SLC25A18: variants seen among roughly 807,000 people sequenced by gnomAD.
SLC25A18 encodes the protein mitochondrial glutamate carrier 2.
SLC25A18 carries 24 observed loss-of-function variants against 31.1 expected under a neutral mutation model. That is an observed-to-expected ratio of 0.77 (90% CI 0.56 to 1.08). SLC25A18 has a LOEUF of 1.08. Ranked by LOEUF, SLC25A18 falls within the 50% of genes least tolerant of loss-of-function variation. The pLI is 0.00. For synonymous variants in SLC25A18, 173 were observed against 161.9 expected (o/e 1.07, Z -0.52); for missense variants, 371 against 418.5 (o/e 0.89, Z 0.99).
chr22:17,564,877 C>T (rs174362), intron 1 of SLC25A18, among the ~76,000 whole-genome samples: 74,004 of 141,690 alleles, frequency 0.52, 20,093 homozygotes, highest in African/African-American at 0.59. Flanking sequence ...AAATCAGGCC[C>T]AGGCAACATA....
rs553854222 is a variant in SLC25A18 at position 17,575,581 on chromosome 22, G to A, written c.-200-4164G>A. ...TACACTTTAAAAATTCCTATGGAAG[G>A]GGTTGAATCATTCAGCTTAAGTCAG... On this transcript the variant is annotated intron_variant, in intron 2 of 10. Coordinates refer to ENST00000327451, the MANE Select transcript of SLC25A18 (RefSeq NM_031481.3). Among the ~76,000 whole-genome samples the A allele has an allele frequency of 2.0e-5, 3 of 152,272 alleles. No homozygotes were observed. The South Asian group carries it at 6.2e-4, about 32-fold the overall frequency.
chr22:17,566,530 A>C (rs1438979760), intron 1 of SLC25A18, among the ~76,000 whole-genome samples: 1 of 152,078 alleles, frequency 6.6e-6, no homozygotes, highest in Non-Finnish European at 1.5e-5. Flanking sequence ...CTCCCGCTTA[A>C]GCCTTCCAAA....
In SLC25A18 at chr22:17,581,017, C is replaced by G. The variant is rs377051118; in HGVS notation, c.21-20C>G. The stretch of plus-strand genomic sequence containing the variant: ...CCCTCCCTCTGCCTCTCTCCTCCCC[C>G]TGTCCTCCCCCTGTCCTAGCATCAC... On this transcript the variant is annotated intron_variant, in intron 3 of 10. Transcript: ENST00000327451. 6 of 1,535,846 alleles carry G rather than the reference C, an allele frequency of 3.9e-6. No individual in the cohort carries two copies. Among genetic ancestry groups the G allele is most frequent in the African/African-American group, 1.4e-5 (1 of 72,794 alleles).
intron 1 of SLC25A18, among the ~76,000 whole-genome samples, chr22:17,564,208 G>C (rs1470239652): frequency 6.6e-6 from 1 of 152,110 alleles, no homozygotes; most frequent in East Asian, 1.9e-4. Context: ...ACTGCAGCTT[G>C]GGAGAAGTGA....
chr22:17,571,224 A>C lies in SLC25A18; in HGVS notation c.-201+1238A>C, dbSNP rs73391445. Among the ~76,000 whole-genome samples, 1,397 of 152,246 alleles carry C rather than the reference A, an allele frequency of 9.2e-3. 24 individuals are homozygous for C. Among genetic ancestry groups the C allele is most frequent in the African/African-American group, 0.032 (1,321 of 41,532 alleles). On this transcript the variant is annotated intron_variant, in intron 2 of 10. Coordinates refer to ENST00000327451, the MANE Select transcript of SLC25A18 (RefSeq NM_031481.3). ...ATTTGAAGGCAACAAGGCTGAAGGC[A>C]AGGAGCTGAGTTAGGAGCCCTCAGG...
chr22:17,581,225 C>T, intron 4 of SLC25A18, 66 bp downstream of exon 4: 1 of 1,568,840 alleles, frequency 6.4e-7, no homozygotes, highest in South Asian at 1.2e-5. Context: ...CCCCTTCCCT[C>T]CAGTCTCCAG....
Position 17,581,377 on chromosome 22 carries a change from A to G in SLC25A18, c.163A>G (p.Thr55Ala), listed in dbSNP as rs765971021. 6.2e-7 allele frequency: 1 copy of G among 1,613,962 alleles called. No individual in the cohort carries two copies. Among genetic ancestry groups the G allele is most frequent in the Non-Finnish European group, 8.5e-7 (1 of 1,179,978 alleles). The change falls in exon 5 of 11, where the codon ACG (threonine) becomes GCG (alanine). Residue 55 changes from threonine to alanine, a missense_variant. By Grantham distance (58) the Thr-to-Ala change is moderately conservative. Transcript: ENST00000327451. ...TTCCAGGATCGACTGCCTGATGAAG[A>G]CGGCTCGGGCGGAGGGCTTCTTCGG... ...YKGMIDCLMK[T>A]ARAEGFFGMY...
chr22:17,583,352 G>C, intron 6 of SLC25A18, 64 bp from the exon 7 acceptor site: 1 of 1,600,218 alleles, frequency 6.2e-7, no homozygotes, highest in East Asian at 2.2e-5. Context: ...TCTCACAAGA[G>C]GGCAGCTGCA....
At chr22:17,585,653 T>TTATTATTATTA (rs1555951977) in intron 7 of SLC25A18, among the ~76,000 whole-genome samples, 7 of 129,052 alleles carry the variant, frequency 5.4e-5, no homozygotes, top group African/African-American at 2.0e-4. Flanking sequence ...TATTATTATT[T>TTATTATTATTA]TTTTTTTTTT....
intron 2 of SLC25A18, chr22:17,570,196 A>G (rs961819979): frequency 1.8e-5 from 3 of 165,654 alleles, no homozygotes; most frequent in Admixed American, 6.5e-5. Context: ...GAAGCAAGTG[A>G]TTTTCTTGGC....
rs1411408093 is a variant in SLC25A18 at position 17,590,315 on chromosome 22, G to C, written c.*79G>C. 3 of 1,581,286 alleles carry C rather than the reference G, an allele frequency of 1.9e-6. No homozygotes were observed. In the African/African-American group the frequency reaches 4.0e-5, roughly 21 times the overall value. On this transcript the variant is annotated 3_prime_UTR_variant, in exon 11 of 11. Coordinates refer to ENST00000327451, the MANE Select transcript of SLC25A18 (RefSeq NM_031481.3). ...CTTAGCCTAGAGGGGGCAAGGGCAGGTGGGGCCACTCTGGCCTGCCTGGTC... is the reference window on the plus strand; with the variant it reads ...CTTAGCCTAGAGGGGGCAAGGGCAGCTGGGGCCACTCTGGCCTGCCTGGTC...
intron 7 of SLC25A18, among the ~76,000 whole-genome samples, chr22:17,584,364 G>A (rs2057462308): frequency 6.9e-6 from 1 of 145,650 alleles, no homozygotes. Context: ...CTGCACTCCA[G>A]CCTGGGAGAC....
At chr22:17,569,527 T>C in intron 1 of SLC25A18, 4 of 805,212 alleles carry the variant, frequency 5.0e-6, no homozygotes, top group Non-Finnish European at 3.0e-6. Context: ...AGAGATTTGC[T>C]TCTGGCACCA....
At chr22:17,571,786 A>G (rs2057093592) in intron 2 of SLC25A18, among the ~76,000 whole-genome samples, 1 of 151,182 alleles carries the variant, frequency 6.6e-6, no homozygotes, top group Non-Finnish European at 1.5e-5. Context: ...TCTGGGCCCA[A>G]GGCAGACGGA....
At chr22:17,586,644 G>A (rs1421865340) in intron 7 of SLC25A18, among the ~76,000 whole-genome samples, 2 of 152,230 alleles carry the variant, frequency 1.3e-5, no homozygotes, top group African/African-American at 4.8e-5. Flanking sequence ...GCCAGGTGTG[G>A]TGCATGTGCC....
Position 17,579,857 on chromosome 22 carries a change from G to A in SLC25A18, c.-88G>A. 1.3e-6 allele frequency: 2 copies of A among 1,545,900 alleles called. No homozygotes were observed. The highest frequency in any genetic ancestry group is 1.7e-6 in the Non-Finnish European group (2 of 1,143,064). On this transcript the variant is annotated 5_prime_UTR_variant, in exon 3 of 11. Transcript: ENST00000327451. Reference sequence around the variant, plus strand: ...CTGCTACGGGGCCAGAGCCAAGGAAGCTTCCACTTCTTCCCCCAGACAGCC... The same window carrying A: ...CTGCTACGGGGCCAGAGCCAAGGAAACTTCCACTTCTTCCCCCAGACAGCC...
chr22:17,569,535 C>G lies in SLC25A18; in HGVS notation c.-263-389C>G, dbSNP rs200527950. ...GAGAAGCAGAGATTTGCTTCTGGCACCAAATGTCTTGCAAAAGTGTTTGCG... is the reference window on the plus strand; with the variant it reads ...GAGAAGCAGAGATTTGCTTCTGGCAGCAAATGTCTTGCAAAAGTGTTTGCG... On this transcript the variant is annotated intron_variant, in intron 1 of 10. Coordinates refer to ENST00000327451, the MANE Select transcript of SLC25A18 (RefSeq NM_031481.3). 8 of 859,770 alleles carry G rather than the reference C, an allele frequency of 9.3e-6. No homozygotes were observed. The African/African-American group carries it at 1.5e-4, about 16-fold the overall frequency. The allele number at this position is 859,770 out of a possible 1,614,324, so 53.3% of individuals were successfully genotyped here.
chr22:17,590,390 T>TAAC lies in SLC25A18; in HGVS notation c.*157_*159dup. On this transcript the variant is annotated 3_prime_UTR_variant, in exon 11 of 11. Transcript: ENST00000327451. ...TCTCGGGAGAAACAGCCCTATATTC[T>TAAC]AACAAGTTGAGCACAGCCTTCTTCC... 1.2e-6 allele frequency: 1 copy of TAAC among 861,518 alleles called. No homozygotes were observed. Among genetic ancestry groups the TAAC allele is most frequent in the East Asian group, 2.5e-5 (1 of 39,262 alleles). 53.4% of individuals were successfully genotyped at this position (861,518 alleles called of 1,614,324 possible). A position where few individuals can be genotyped will look rare whatever the true frequency, so the allele number is the denominator to read the frequency against.
intron 5 of SLC25A18, chr22:17,582,324 C>G (rs532442093): frequency 1.6e-5 from 5 of 315,430 alleles, no homozygotes; most frequent in Admixed American, 1.4e-4. Context: ...TTCAGTGCGC[C>G]GAGATCGCGC....
Sources: gnomAD v4.1 joint callset for allele counts (sites outside exome capture counted in the v4.1 genomes callset) on GRCh38, gnomAD v4.1.1 for gene constraint, MANE v1.5 for transcripts, NCBI Gene and HGNC (gene_info 2026-07-23, HGNC 2026-07-21) for gene names.